Variants in PTPN3 observed in about 807,000 individuals in gnomAD.
PTPN3 encodes the protein tyrosine-protein phosphatase non-receptor type 3.
PTPN3 carries 96 observed loss-of-function variants against 132.7 expected under a neutral mutation model. The observed-to-expected ratio is 0.72, with a 90% CI of 0.61 to 0.86. The LOEUF (loss-of-function observed/expected upper bound fraction) is 0.86. PTPN3 is among the 40% of genes least tolerant of loss of function. PTPN3 has a pLI of 0.00. For synonymous variants in PTPN3, 398 were observed against 429.0 expected, an observed-to-expected ratio of 0.93 and a Z score of 0.89; for missense variants, 1,125 against 1,159.6, an observed-to-expected ratio of 0.97 and a Z score of 0.43.
rs567675216 is a variant in PTPN3 at position 109,470,481 on chromosome 9, G to A, written c.-17-7030C>T. On this transcript the variant is annotated intron_variant, in intron 1 of 25. Coordinates refer to ENST00000374541, the MANE Select transcript of PTPN3 (RefSeq NM_002829.4). ...TTCCTTAAACTCCTCTGAAGTAAGT[G>A]GGGTATTCCCTTCTAAAGATAAAAT... Among the ~76,000 whole-genome samples the A allele has an allele frequency of 5.3e-5, 8 of 151,984 alleles. 1 individual carries two copies. In the South Asian group the frequency reaches 1.5e-3, roughly 28 times the overall value.
At chr9:109,461,884 G>A (rs1201805670) in intron 2 of PTPN3, among the ~76,000 whole-genome samples, 1 of 152,186 alleles carries the variant, frequency 6.6e-6, no homozygotes, top group East Asian at 1.9e-4. Flanking sequence ...ATATTCTTTT[G>A]GACAGTCCTC....
At chr9:109,499,866 C>G (rs570529815), upstream of PTPN3, among the ~76,000 whole-genome samples, 325 of 152,312 alleles carry the variant, frequency 2.1e-3, 1 homozygote, top group Non-Finnish European at 3.3e-3. Flanking sequence ...CGGCCCGGCC[C>G]GGCCTCGAGT....
At chr9:109,515,815 T>C in the PTPN3 span, among the ~76,000 whole-genome samples, 20 of 152,274 alleles carry the variant, frequency 1.3e-4, no homozygotes, top group East Asian at 1.4e-3. Flanking sequence ...ACTCGTTACC[T>C]TGGAGAAGGC....
At chr9:109,523,872 T>C in the PTPN3 span, among the ~76,000 whole-genome samples, 5 of 130,376 alleles carry the variant, frequency 3.8e-5, no homozygotes, top group Non-Finnish European at 6.6e-5. Flanking sequence ...CTTTCCTTCC[T>C]CTTTCAACCC....
intron 14 of PTPN3, among the ~76,000 whole-genome samples, chr9:109,413,175 C>T (rs1842210001): frequency 6.6e-6 from 1 of 151,232 alleles, no homozygotes. Context: ...AGGATGGTCT[C>T]GATCTCTTGA....
upstream of PTPN3, among the ~76,000 whole-genome samples, chr9:109,502,745 C>G (rs746948937): frequency 6.6e-6 from 1 of 152,086 alleles, no homozygotes. Flanking sequence ...GCAGTGAGTC[C>G]TAGTTGTGCC....
the PTPN3 span, among the ~76,000 whole-genome samples, chr9:109,535,772 G>C: frequency 6.6e-6 from 1 of 152,156 alleles, no homozygotes; most frequent in African/African-American, 2.4e-5. Flanking sequence ...CTCTCAGAGT[G>C]CTGAGACTAC....
intron 10 of PTPN3, among the ~76,000 whole-genome samples, chr9:109,430,098 A>G (rs1047087597): frequency 2.0e-5 from 3 of 152,206 alleles, no homozygotes; most frequent in Non-Finnish European, 2.9e-5. Flanking sequence ...TAGTCTAAGG[A>G]TGAGAAGAGT....
In PTPN3 at chr9:109,457,382, C is replaced by G. The variant is rs760112728; in HGVS notation, c.156G>C (p.Gln52His). The G allele has an allele frequency of 6.2e-7, 1 of 1,613,444 alleles. No individual in the cohort carries two copies. Among genetic ancestry groups the G allele is most frequent in the Non-Finnish European group, 8.5e-7 (1 of 1,179,878 alleles). Residue 52 changes from glutamine to histidine, a missense_variant, in exon 3 of 26, where the codon CAG becomes CAC. By Grantham distance (24) the Gln-to-His change is conservative. Transcript: ENST00000374541. ...TFKVTKQDTGQVLLDMVHNHL... is the reference protein window; with the variant it reads ...TFKVTKQDTGHVLLDMVHNHL... ...GGTTGTGCACCATATCCAGAAGAAC[C>G]TGGCCAGTGTCTTGTTTCTAGAACA... is the stretch of plus-strand genomic sequence containing the variant.
chr9:109,451,584 T>C (rs1845250348), intron 5 of PTPN3, among the ~76,000 whole-genome samples: 1 of 152,204 alleles, frequency 6.6e-6, no homozygotes, highest in South Asian at 2.1e-4. Flanking sequence ...GCAGCCTTCA[T>C]TTGTGCCCGA....
At chr9:109,535,446 G>GA in the PTPN3 span, among the ~76,000 whole-genome samples, 1 of 152,102 alleles carries the variant, frequency 6.6e-6, no homozygotes, top group Admixed American at 6.5e-5. Context: ...GACATTCCAG[G>GA]CTTGCAAGAG....
chr9:109,473,534 A>G (rs1234528615), intron 1 of PTPN3, among the ~76,000 whole-genome samples: 2 of 152,230 alleles, frequency 1.3e-5, no homozygotes, highest in African/African-American at 4.8e-5. Flanking sequence ...GGCAAGATAA[A>G]GAATGCTGCG....
chr9:109,465,706 CAA>C (rs34634972), intron 1 of PTPN3, among the ~76,000 whole-genome samples: 683 of 64,792 alleles, frequency 0.011, 2 homozygotes, highest in African/African-American at 0.041. Context: ...AACTCTGTCT[CAA>C]AAAAAAAAAA....
At chr9:109,449,618 G>T in intron 5 of PTPN3, 1 of 985,438 alleles carries the variant, frequency 1.0e-6, no homozygotes, top group Non-Finnish European at 1.2e-6. Flanking sequence ...GCGCCCTGGG[G>T]AGACTTCTAT....
chr9:109,464,305 T>C lies in PTPN3; in HGVS notation c.-17-854A>G, dbSNP rs1026612846. ...CACATTCCCAGCAGAAAAATGTATA[T>C]TCACTCACTAAAAGACATGTACCAG... is the stretch of plus-strand genomic sequence containing the variant. On this transcript the variant is annotated intron_variant, in intron 1 of 25. Transcript: ENST00000374541. Among the ~76,000 whole-genome samples, 3 of 152,198 alleles carry C rather than the reference T, an allele frequency of 2.0e-5. No individual in the cohort carries two copies. The East Asian group carries it at 5.8e-4, about 29-fold the overall frequency.
At chr9:109,461,114 T>C (rs1329449041) in intron 2 of PTPN3, among the ~76,000 whole-genome samples, 2 of 152,212 alleles carry the variant, frequency 1.3e-5, no homozygotes, top group African/African-American at 2.4e-5. Flanking sequence ...CAAAATTCTA[T>C]GAAAGATTAT....
chr9:109,448,049 C>T (rs1465182618), intron 6 of PTPN3, among the ~76,000 whole-genome samples: 1 of 152,196 alleles, frequency 6.6e-6, no homozygotes, highest in Admixed American at 6.5e-5. Flanking sequence ...CTAGCTCACA[C>T]CAGCAGGAGC....
At chr9:109,439,309 G>A (rs1844285260) in intron 7 of PTPN3, among the ~76,000 whole-genome samples, 1 of 151,982 alleles carries the variant, frequency 6.6e-6, no homozygotes, top group Admixed American at 6.6e-5. Flanking sequence ...TACCTCTAAT[G>A]GGGCAACCGA....
Position 109,454,576 on chromosome 9 carries a change from T to C in PTPN3, c.290-2A>G. 1.2e-6 allele frequency: 2 copies of C among 1,610,352 alleles called. No individual in the cohort carries two copies. The highest frequency in any genetic ancestry group is 1.7e-6 in the Non-Finnish European group (2 of 1,177,268). On this transcript the variant is annotated splice_acceptor_variant, in intron 4 of 25. Transcript: ENST00000374541. LOFTEE classifies it high-confidence loss of function. ...AATGCAGGGTACAGGGGAAACCTCC[T>C]ACAACATTTTTCAAAAACAAATTAA...
Sources: allele counts gnomAD v4.1 joint callset (sites outside exome capture counted in the v4.1 genomes callset), GRCh38; gene constraint gnomAD v4.1.1; transcripts MANE v1.5; gene names NCBI Gene and HGNC (gene_info 2026-07-23, HGNC 2026-07-21).